AGBL4: variants seen among roughly 807,000 people sequenced by gnomAD.
The protein encoded by AGBL4 is AGBL carboxypeptidase 4.
Under a neutral mutation model 66.4 loss-of-function variants are expected in AGBL4, and 58 were observed. That is an observed-to-expected ratio of 0.87 (90% CI 0.71 to 1.09). The LOEUF (loss-of-function observed/expected upper bound fraction) is 1.09, where lower values mean the gene tolerates loss of function less well. Among genes scored for constraint, AGBL4 ranks in the 50% least tolerant of loss-of-function variants. The pLI is 0.00. For missense variants in AGBL4, 579 were observed against 631.0 expected, an observed-to-expected ratio of 0.92 and a Z score of 0.88; for synonymous variants, 234 against 222.9, an observed-to-expected ratio of 1.05 and a Z score of -0.44.
At chr1:49,153,991 C>A (rs142906221) in intron 4 of AGBL4, among the ~76,000 whole-genome samples, 28 of 152,184 alleles carry the variant, frequency 1.8e-4, no homozygotes, top group African/African-American at 5.8e-4. Context: ...GATAATACTG[C>A]TAGCGAGAGA....
chr1:49,573,135 T>C (rs1644365604), intron 3 of AGBL4, among the ~76,000 whole-genome samples: 2 of 141,802 alleles, frequency 1.4e-5, no homozygotes, highest in South Asian at 4.4e-4. Flanking sequence ...TGTGTGTCTG[T>C]GTGTGTGTGT....
At chr1:49,293,495 G>A (rs564903812) in intron 3 of AGBL4, among the ~76,000 whole-genome samples, 12 of 152,094 alleles carry the variant, frequency 7.9e-5, no homozygotes, top group South Asian at 2.1e-4. Context: ...TATTATATAC[G>A]TAAAATTTGA....
At chr1:49,076,382 T>C (rs763558560) in intron 4 of AGBL4, among the ~76,000 whole-genome samples, 1 of 152,176 alleles carries the variant, frequency 6.6e-6, no homozygotes, top group Non-Finnish European at 1.5e-5. Flanking sequence ...ATTTAGAAAT[T>C]TGTACTTATT....
chr1:50,011,684 T>C (rs1260847740), intron 1 of AGBL4, among the ~76,000 whole-genome samples: 8 of 152,184 alleles, frequency 5.3e-5, no homozygotes, highest in Non-Finnish European at 1.2e-4. Context: ...ATACACACAA[T>C]GGAGTCCTAT....
At chr1:48,759,490 G>C in intron 6 of AGBL4, 1 of 1,036,356 alleles carries the variant, frequency 9.6e-7, no homozygotes. Flanking sequence ...TCCGAGTGGG[G>C]AAGGGGCTTG....
At chr1:49,203,087 T>TAAA (rs1647843253) in intron 4 of AGBL4, among the ~76,000 whole-genome samples, 1 of 19,952 alleles carries the variant, frequency 5.0e-5, no homozygotes. Flanking sequence ...ATGGCTACTA[T>TAAA]CAAAAAAAAA....
chr1:48,562,286 T>A (rs1219114634), intron 11 of AGBL4, among the ~76,000 whole-genome samples: 1 of 152,218 alleles, frequency 6.6e-6, no homozygotes, highest in Admixed American at 6.5e-5. Context: ...TCCTGCTACA[T>A]GGAGCTAACA....
chr1:48,820,808 C>T (rs550490972), intron 6 of AGBL4, among the ~76,000 whole-genome samples: 3 of 152,090 alleles, frequency 2.0e-5, no homozygotes, highest in Admixed American at 6.5e-5. Flanking sequence ...ACAGGGTAAA[C>T]GGACAAGCTA....
At chr1:48,547,483 C>T (rs1644183126) in intron 11 of AGBL4, among the ~76,000 whole-genome samples, 1 of 151,986 alleles carries the variant, frequency 6.6e-6, no homozygotes, top group Non-Finnish European at 1.5e-5. Context: ...CCTGATCTGG[C>T]ATATGAAAGA....
rs1041802062 is a variant in AGBL4, at chr1:48,617,884, A to G, written c.951+16609T>C. ...GGGACCCGAGTCCAGGTGCTTTTTT[A>G]AAAAGGTAAAAGAGGGAAAAGCAAG... On this transcript the variant is annotated intron_variant, in intron 9 of 13. Coordinates refer to ENST00000371839, the MANE Select transcript of AGBL4 (RefSeq NM_032785.4). Among the ~76,000 whole-genome samples, 14 of 152,200 alleles carry G rather than the reference A, an allele frequency of 9.2e-5. No individual in the cohort carries two copies. In the South Asian group the frequency reaches 2.1e-3, roughly 23 times the overall value.
intron 3 of AGBL4, among the ~76,000 whole-genome samples, chr1:49,535,719 T>A (rs959536843): frequency 2.6e-5 from 4 of 152,140 alleles, no homozygotes; most frequent in African/African-American, 9.7e-5. Flanking sequence ...TGAGACGGAG[T>A]CTCCCTCTGT....
intron 3 of AGBL4, among the ~76,000 whole-genome samples, chr1:49,362,932 G>C (rs143950866): frequency 6.6e-6 from 1 of 152,100 alleles, no homozygotes; most frequent in East Asian, 1.9e-4. Context: ...ACAAATTTTG[G>C]ACATACTGAA....
At chr1:49,880,975 C>A (rs1436677860) in intron 1 of AGBL4, among the ~76,000 whole-genome samples, 1 of 152,126 alleles carries the variant, frequency 6.6e-6, no homozygotes, top group Non-Finnish European at 1.5e-5. Context: ...CTACCTGACC[C>A]CTTGTGCTTC....
intron 2 of AGBL4, among the ~76,000 whole-genome samples, chr1:49,726,099 A>G (rs933381047): frequency 4.6e-5 from 7 of 152,128 alleles, no homozygotes; most frequent in African/African-American, 1.7e-4. Context: ...TATAATGACA[A>G]TGACGGTAGA....
chr1:49,094,217 C>A (rs887352638), intron 4 of AGBL4, among the ~76,000 whole-genome samples: 19 of 151,906 alleles, frequency 1.3e-4, no homozygotes, highest in Non-Finnish European at 2.2e-4. Flanking sequence ...TGAATACTAC[C>A]CCCCACTCCC....
chr1:48,781,048 A>G (rs1433104085), intron 6 of AGBL4, among the ~76,000 whole-genome samples: 1 of 152,194 alleles, frequency 6.6e-6, no homozygotes, highest in Non-Finnish European at 1.5e-5. Context: ...CATTGATTCT[A>G]CCACTTGTAA....
chr1:49,147,756 G>GA (rs1197361344), intron 4 of AGBL4, among the ~76,000 whole-genome samples: 3 of 152,006 alleles, frequency 2.0e-5, no homozygotes, highest in East Asian at 1.9e-4. Context: ...ATGAAATTAT[G>GA]AAAAAAACAT....
In AGBL4 at chr1:48,681,695, C is replaced by A. The variant is rs368722767; in HGVS notation, c.635-18454G>T. The stretch of plus-strand genomic sequence containing the variant: ...GGCTCCTGCCAGGTCTCTTAACAAT[C>A]CCAAAACAGTAGACCCGGTCCAGGG... On this transcript the variant is annotated intron_variant, in intron 6 of 13. Coordinates refer to ENST00000371839, the MANE Select transcript of AGBL4 (RefSeq NM_032785.4). 6.2e-4 allele frequency among the ~76,000 whole-genome samples: 95 copies of A among 152,336 alleles called. No individual in the cohort carries two copies. The South Asian group carries it at 0.013, about 21-fold the overall frequency.
At chr1:49,738,374 G>T (rs535070092) in intron 2 of AGBL4, among the ~76,000 whole-genome samples, 1 of 152,210 alleles carries the variant, frequency 6.6e-6, no homozygotes, top group Non-Finnish European at 1.5e-5. Context: ...GCTCACCATT[G>T]CCCAGGCTTG....
Sources: allele counts gnomAD v4.1 joint callset (sites outside exome capture counted in the v4.1 genomes callset), GRCh38; gene constraint gnomAD v4.1.1; transcripts MANE v1.5; gene names NCBI Gene and HGNC (gene_info 2026-07-23, HGNC 2026-07-21).